Variants in TUFT1 observed in about 807,000 individuals in gnomAD.
TUFT1 encodes tuftelin.
TUFT1 carries 43 observed loss-of-function variants against 57.8 expected under a neutral mutation model. The observed-to-expected ratio is 0.74, with a 90% CI of 0.58 to 0.96. The LOEUF is 0.96. TUFT1 is among the 40% of genes least tolerant of loss of function. The pLI is 0.00. For synonymous variants in TUFT1, 166 were observed against 176.7 expected (o/e 0.94, Z 0.48); for missense variants, 459 against 489.0 (o/e 0.94, Z 0.58).
At chr1:151,562,834 G>T in intron 3 of TUFT1, 148 bp downstream of exon 3, 1 of 667,640 alleles carries the variant, frequency 1.5e-6, no homozygotes. Context: ...CAATCTCCTA[G>T]AAATATCTTA....
intron 2 of TUFT1, 25 bp from the exon 3 acceptor site, chr1:151,562,560 C>CTG: frequency 7.8e-6 from 12 of 1,540,810 alleles, no homozygotes; most frequent in Non-Finnish European, 9.8e-6. Context: ...CTCTCTCTCT[C>CTG]TCTCTCTCAT....
chr1:151,569,272 T>G (rs549774036), intron 6 of TUFT1, among the ~76,000 whole-genome samples: 1 of 152,198 alleles, frequency 6.6e-6, no homozygotes. Flanking sequence ...GTGGGAACTC[T>G]AGTCCAAAGG....
Position 151,540,442 on chromosome 1 carries a change from C to T in TUFT1, c.60+16C>T. The T allele has an allele frequency of 6.2e-7, 1 of 1,614,084 alleles. No homozygotes were observed. The highest frequency in any genetic ancestry group is 8.5e-7 in the Non-Finnish European group (1 of 1,179,912). ...CCAGGCGGCGGTAAGAAAAAGCGCT[C>T]TCGCTGTCTTCTCCGTTTTGTATTC... On this transcript the variant is annotated intron_variant, in intron 1 of 12. Coordinates refer to ENST00000368849, the MANE Select transcript of TUFT1 (RefSeq NM_020127.3).
intron 1 of TUFT1, among the ~76,000 whole-genome samples, chr1:151,549,306 C>T (rs1665439622): frequency 2.0e-5 from 3 of 152,160 alleles, no homozygotes; most frequent in Admixed American, 2.0e-4. Context: ...CAACTAAGTG[C>T]ACCAGGCAGA....
intron 1 of TUFT1, among the ~76,000 whole-genome samples, chr1:151,559,855 G>A (rs1477929768): frequency 6.6e-6 from 1 of 151,832 alleles, no homozygotes; most frequent in Non-Finnish European, 1.5e-5. Flanking sequence ...GTGCAGTGGC[G>A]CGATCTCAGC....
chr1:151,572,309 G>A (rs942775280), intron 7 of TUFT1, among the ~76,000 whole-genome samples: 1 of 152,040 alleles, frequency 6.6e-6, no homozygotes, highest in Non-Finnish European at 1.5e-5. Context: ...TAATTAAGAG[G>A]TTCCCTTGCG....
chr1:151,574,739 A>G (rs1396366338), intron 8 of TUFT1, among the ~76,000 whole-genome samples, 172 bp from the exon 9 acceptor site: 1 of 152,136 alleles, frequency 6.6e-6, no homozygotes, highest in African/African-American at 2.4e-5. Context: ...TGAGAGTGGG[A>G]AGGGTTCTCC....
chr1:151,581,655 C>T lies in TUFT1; in HGVS notation c.1121C>T (p.Ser374Phe). ...KTENPGSIRISKPPSPKPMPV... is the reference protein window; with the variant it reads ...KTENPGSIRIFKPPSPKPMPV... ...AACCTTCTTTTCAGTATTAGGATAT[C>T]CAAGCCGCCTAGCCCGAAGCCCATG... The change falls in exon 13 of 13, where the codon TCC becomes TTC. Residue 374 changes from serine to phenylalanine, a missense_variant. Physicochemically the swap from Ser to Phe is radical, Grantham distance 155. Coordinates refer to ENST00000368849, the MANE Select transcript of TUFT1 (RefSeq NM_020127.3). The T allele has an allele frequency of 6.2e-7, 1 of 1,614,164 alleles. No individual in the cohort carries two copies. Among genetic ancestry groups the T allele is most frequent in the Non-Finnish European group, 8.5e-7 (1 of 1,180,028 alleles).
intron 5 of TUFT1, chr1:151,565,812 CT>C: frequency 5.4e-6 from 1 of 184,512 alleles, no homozygotes; most frequent in Non-Finnish European, 1.1e-5. Flanking sequence ...GCTACACATA[CT>C]TTTCCATCTG....
chr1:151,542,186 AT>A (rs904454283), intron 1 of TUFT1, among the ~76,000 whole-genome samples: 1 of 151,382 alleles, frequency 6.6e-6, no homozygotes, highest in Non-Finnish European at 1.5e-5. Flanking sequence ...AACCTCTACT[AT>A]TTTTTTTCTT....
At chr1:151,553,892 A>G (rs1310784288) in intron 1 of TUFT1, among the ~76,000 whole-genome samples, 4 of 151,866 alleles carry the variant, frequency 2.6e-5, no homozygotes, top group East Asian at 3.9e-4. Context: ...TTTACTTTCC[A>G]GCTCTTTGAT....
At chr1:151,572,665 A>G (rs1026481890) in intron 7 of TUFT1, among the ~76,000 whole-genome samples, 1 of 152,200 alleles carries the variant, frequency 6.6e-6, no homozygotes, top group Non-Finnish European at 1.5e-5. Context: ...TAGGAAAGGC[A>G]AGATGATCAA....
intron 5 of TUFT1, among the ~76,000 whole-genome samples, chr1:151,565,589 A>C (rs560438418): frequency 6.6e-6 from 1 of 152,202 alleles, no homozygotes; most frequent in Non-Finnish European, 1.5e-5. Flanking sequence ...AGAAGAACCT[A>C]ATGTGTGCAG....
chr1:151,552,701 C>G (rs1444995996), intron 1 of TUFT1, among the ~76,000 whole-genome samples: 1 of 72,636 alleles, frequency 1.4e-5, no homozygotes, highest in Non-Finnish European at 2.4e-5. Context: ...GAGAGGGACT[C>G]TGTCTCAAAA....
rs3838401 is a variant in TUFT1, at chr1:151,572,228, A to ATT, written c.595-2033_595-2032dup. Among the ~76,000 whole-genome samples the ATT allele has an allele frequency of 7.9e-3, 1,190 of 151,074 alleles. 11 individuals are homozygous for ATT. The highest frequency in any genetic ancestry group is 0.022 in the African/African-American group (896 of 41,170). On this transcript the variant is annotated intron_variant, in intron 7 of 12. Transcript: ENST00000368849. Reference sequence around the variant, plus strand: ...AAATAATAAATATGGTACATAAATAATTTTTTTTTTAAAAAAGGAGGTGCT... The same window carrying ATT: ...AAATAATAAATATGGTACATAAATAATTTTTTTTTTTTAAAAAAGGAGGTGCT...
intron 1 of TUFT1, chr1:151,561,541 T>A (rs1665894945): frequency 1.0e-6 from 1 of 985,034 alleles, no homozygotes. Flanking sequence ...TGCTTCATTC[T>A]TTGAAATTAG....
chr1:151,579,231 T>C (rs1393748354), intron 10 of TUFT1, among the ~76,000 whole-genome samples: 1 of 152,206 alleles, frequency 6.6e-6, no homozygotes, highest in Non-Finnish European at 1.5e-5. Context: ...CAGAATTGTT[T>C]TGAGAGCCTA....
rs188361034 is a variant in TUFT1 at position 151,554,736 on chromosome 1, C to G, written c.61-7355C>G. 4.8e-3 allele frequency among the ~76,000 whole-genome samples: 589 copies of G among 122,646 alleles called. 3 individuals are homozygous for G. Among genetic ancestry groups the G allele is most frequent in the African/African-American group, 0.017 (553 of 32,648 alleles). The allele number at this position is 122,646 out of a possible 152,430, so 80.5% of individuals were successfully genotyped here. ...TTTTTTTTTTTGAGACAGAGTCTCACTCCGTTGCCCAGACTGGAGTGCAAT... is the reference window on the plus strand; with the variant it reads ...TTTTTTTTTTTGAGACAGAGTCTCAGTCCGTTGCCCAGACTGGAGTGCAAT... On this transcript the variant is annotated intron_variant, in intron 1 of 12. Coordinates refer to ENST00000368849, the MANE Select transcript of TUFT1 (RefSeq NM_020127.3).
chr1:151,546,689 T>C (rs1021664847), intron 1 of TUFT1, among the ~76,000 whole-genome samples: 1 of 152,256 alleles, frequency 6.6e-6, no homozygotes, highest in African/African-American at 2.4e-5. Context: ...CATGTTGTAA[T>C]GTGAATCAGT....
Sources: gnomAD v4.1 joint callset for allele counts (sites outside exome capture counted in the v4.1 genomes callset) on GRCh38, gnomAD v4.1.1 for gene constraint, MANE v1.5 for transcripts, NCBI Gene and HGNC (gene_info 2026-07-23, HGNC 2026-07-21) for gene names.